The following RABGAP1 variants were observed in gnomAD, a reference collection of about 807,000 sequenced individuals.
RABGAP1 encodes rab GTPase-activating protein 1.
Under a neutral mutation model 137.6 loss-of-function variants are expected in RABGAP1, and 23 were observed. That is an observed-to-expected ratio of 0.17 (90% CI 0.12 to 0.24). The LOEUF is 0.24. RABGAP1 is among the 10% of genes least tolerant of loss of function. The pLI, the probability that RABGAP1 is intolerant of heterozygous loss-of-function variation, is 1.00. For synonymous variants in RABGAP1, 451 were observed against 450.7 expected (o/e 1.00, Z -0.01); for missense variants, 906 against 1,275.8 (o/e 0.71, Z 4.42).
chr9:123,007,982 T>C (rs2030452107), intron 10 of RABGAP1, among the ~76,000 whole-genome samples: 1 of 149,868 alleles, frequency 6.7e-6, no homozygotes, highest in Non-Finnish European at 1.5e-5. Context: ...TATGTATAAT[T>C]TAATATATAA....
chr9:122,950,500 G>T (rs1447674773), intron 1 of RABGAP1, among the ~76,000 whole-genome samples: 1 of 146,922 alleles, frequency 6.8e-6, no homozygotes, highest in Non-Finnish European at 1.5e-5. Flanking sequence ...GCAAGGAATT[G>T]GTTTTGAGAT....
Position 122,996,588 on chromosome 9 carries a change from A to G in RABGAP1, c.1084A>G (p.Met362Val), listed in dbSNP as rs759869931. The G allele has an allele frequency of 6.2e-7, 1 of 1,606,020 alleles. No homozygotes were observed. The highest frequency in any genetic ancestry group is 8.5e-7 in the Non-Finnish European group (1 of 1,174,672). ...SPGKDVRNSDMHLLDLESMGK... is the reference protein window; with the variant it reads ...SPGKDVRNSDVHLLDLESMGK... ...AGGAAAAGATGTACGAAATAGTGAC[A>G]TGCACTTATTAGATTTGGTAAGAAT... Residue 362 changes from methionine (M) to valine (V), a missense_variant, in exon 8 of 26, where the codon ATG becomes GTG. Physicochemically the swap from Met to Val is conservative, Grantham distance 21. Around this residue, in one of 9 missense-constraint regions of RABGAP1, gnomAD observed 212 missense variants for 289.4 expected, o/e 0.73. Transcript: ENST00000373647.
chr9:123,046,650 G>C (rs2033221265), intron 13 of RABGAP1, among the ~76,000 whole-genome samples: 1 of 152,262 alleles, frequency 6.6e-6, no homozygotes, highest in Admixed American at 6.5e-5. Flanking sequence ...TTGGCATGCA[G>C]TAAGCACTCA....
intron 13 of RABGAP1, among the ~76,000 whole-genome samples, chr9:123,055,070 C>T (rs2033635761): frequency 6.6e-6 from 1 of 152,184 alleles, no homozygotes; most frequent in African/African-American, 2.4e-5. Flanking sequence ...GCTCCCCTTC[C>T]TTGAAGGTGA....
intron 1 of RABGAP1, among the ~76,000 whole-genome samples, chr9:122,945,598 A>G (rs1833906208): frequency 6.6e-6 from 1 of 152,202 alleles, no homozygotes; most frequent in Admixed American, 6.5e-5. Context: ...TATGAGAAAT[A>G]TATCTTCTTA....
chr9:122,996,990 C>T, intron 8 of RABGAP1: 2 of 569,254 alleles, frequency 3.5e-6, no homozygotes, highest in Non-Finnish European at 6.5e-6. Flanking sequence ...TTATAATTCA[C>T]ATGAAAGAAG....
chr9:123,089,531 A>G (rs1314381634), intron 19 of RABGAP1: 1 of 466,102 alleles, frequency 2.1e-6, no homozygotes, highest in Non-Finnish European at 3.8e-6. Flanking sequence ...ACTGTCAGTT[A>G]AAGCCTTAGG....
At chr9:122,973,437 C>T (rs900352511) in intron 2 of RABGAP1, among the ~76,000 whole-genome samples, 5 of 152,032 alleles carry the variant, frequency 3.3e-5, no homozygotes, top group East Asian at 2.0e-4. Context: ...GGGGTTTCAC[C>T]GTGTTAGCCA....
chr9:123,085,631 C>T (rs1057214731), intron 19 of RABGAP1, among the ~76,000 whole-genome samples: 3 of 152,154 alleles, frequency 2.0e-5, no homozygotes, highest in African/African-American at 7.2e-5. Flanking sequence ...ATTCAGAGCT[C>T]TGAGTCTAAA....
intron 12 of RABGAP1, among the ~76,000 whole-genome samples, chr9:123,019,285 A>G (rs1033069471): frequency 6.6e-6 from 1 of 151,992 alleles, no homozygotes; most frequent in Admixed American, 6.5e-5. Flanking sequence ...CATACTTGAG[A>G]TATTTTATTT....
At chr9:123,086,997 A>C (rs1352984682) in intron 19 of RABGAP1, among the ~76,000 whole-genome samples, 4 of 152,250 alleles carry the variant, frequency 2.6e-5, no homozygotes, top group Non-Finnish European at 5.9e-5. Context: ...AATGCAGAAT[A>C]CTTGGAAGAC....
the RABGAP1 span, among the ~76,000 whole-genome samples, chr9:122,934,800 C>A: frequency 2.6e-5 from 4 of 152,306 alleles, 1 homozygote; most frequent in African/African-American, 9.6e-5. Context: ...TCTTTCTCAG[C>A]CTCCAGAGTA....
At chr9:122,993,267 A>AATT (rs904469105) in intron 6 of RABGAP1, among the ~76,000 whole-genome samples, 3 of 151,836 alleles carry the variant, frequency 2.0e-5, no homozygotes, top group Non-Finnish European at 2.9e-5. Flanking sequence ...ATAATTTTTA[A>AATT]ATTATTATTA....
rs1005549640 is a variant in RABGAP1 at position 123,029,428 on chromosome 9, G to A, written c.1794+8969G>A. On this transcript the variant is annotated intron_variant, in intron 13 of 25. Coordinates refer to ENST00000373647, the MANE Select transcript of RABGAP1 (RefSeq NM_012197.4). ...CATCTCTGCCCTTGGTATTTCTGGTGTAAATTACTTGAGCTCTGTGCTTTG... is the reference window on the plus strand; with the variant it reads ...CATCTCTGCCCTTGGTATTTCTGGTATAAATTACTTGAGCTCTGTGCTTTG... The A allele has an allele frequency of 1.9e-5, 29 of 1,548,494 alleles. No individual in the cohort carries two copies. The African/African-American group carries it at 3.5e-4, about 19-fold the overall frequency.
chr9:123,085,808 AC>A (rs2034846181), intron 19 of RABGAP1, among the ~76,000 whole-genome samples: 1 of 152,228 alleles, frequency 6.6e-6, no homozygotes, highest in Non-Finnish European at 1.5e-5. Context: ...TGGAGTTTGT[AC>A]GTTGGCACCT....
intron 13 of RABGAP1, among the ~76,000 whole-genome samples, chr9:123,044,295 G>A (rs1040835402): frequency 2.6e-5 from 4 of 152,160 alleles, no homozygotes; most frequent in African/African-American, 9.7e-5. Flanking sequence ...GGAGGCCCAG[G>A]TATAGAACAT....
At chr9:123,098,549 A>G (rs2035251379) in intron 22 of RABGAP1, among the ~76,000 whole-genome samples, 166 bp from the exon 23 acceptor site, 1 of 152,178 alleles carries the variant, frequency 6.6e-6, no homozygotes, top group African/African-American at 2.4e-5. Flanking sequence ...CTGCATCAGG[A>G]ACAGGGGATT....
chr9:123,064,045 C>T (rs1347317710), intron 13 of RABGAP1, among the ~76,000 whole-genome samples: 1 of 151,092 alleles, frequency 6.6e-6, no homozygotes, highest in African/African-American at 2.4e-5. Context: ...CTCGCTCTCA[C>T]TCTCACTCTC....
chr9:122,978,590 G>C (rs913094767), intron 2 of RABGAP1, among the ~76,000 whole-genome samples: 1 of 152,234 alleles, frequency 6.6e-6, no homozygotes, highest in East Asian at 1.9e-4. Flanking sequence ...AGCTATGATC[G>C]TGCCACTCTC....
Sources: gnomAD v4.1 joint callset for allele counts (sites outside exome capture counted in the v4.1 genomes callset) on GRCh38, gnomAD v4.1.1 for gene constraint, gnomAD v4.1.1 regional missense constraint, MANE v1.5 for transcripts, NCBI Gene and HGNC (gene_info 2026-07-23, HGNC 2026-07-21) for gene names.